CADM2: variants seen among roughly 807,000 people sequenced by gnomAD.
The protein encoded by CADM2 is cell adhesion molecule 2.
A neutral mutation model predicts 49.8 loss-of-function variants in CADM2; 12 were observed. The observed-to-expected ratio is 0.24, with a 90% CI of 0.15 to 0.39. CADM2 has a LOEUF of 0.39. Ranked by LOEUF, CADM2 falls within the 10% of genes least tolerant of loss-of-function variation. CADM2 has a pLI of 1.00. For synonymous variants in CADM2, 214 were observed against 175.4 expected (o/e 1.22, Z -1.74); for missense variants, 378 against 492.3 (o/e 0.77, Z 2.20).
rs112651120 is a variant in CADM2 at position 85,284,578 on chromosome 3, T to C, written c.61+324910T>C. Among the ~76,000 whole-genome samples, 203 of 152,230 alleles carry C rather than the reference T, an allele frequency of 1.3e-3. 2 individuals are homozygous for C. The highest frequency in any genetic ancestry group is 4.5e-3 in the African/African-American group (185 of 41,550). On this transcript the variant is annotated intron_variant, in intron 1 of 9. Coordinates refer to ENST00000383699, the MANE Select transcript of CADM2 (RefSeq NM_001167675.2). ...GACTTGAAGTTTTTAATGAAATAAGTTACATAGATTGCTAAGGGAGGAACA... is the reference window on the plus strand; with the variant it reads ...GACTTGAAGTTTTTAATGAAATAAGCTACATAGATTGCTAAGGGAGGAACA...
At chr3:85,192,648 C>T (rs1406619924) in intron 1 of CADM2, among the ~76,000 whole-genome samples, 3 of 149,700 alleles carry the variant, frequency 2.0e-5, no homozygotes, top group Non-Finnish European at 4.5e-5. Context: ...TATAAAAAAT[C>T]CATAAAAATG....
rs1392914855 is a variant in CADM2, at chr3:85,769,658, TA to T, written c.89-32388del. ...ACACATATATACATATATACATATATAGTATATATATACACATATATACATA... is the reference window on the plus strand; with the variant it reads ...ACACATATATACATATATACATATATGTATATATATACACATATATACATA... On this transcript the variant is annotated intron_variant, in intron 2 of 9. Transcript: ENST00000383699. 1.8e-3 allele frequency among the ~76,000 whole-genome samples: 238 copies of T among 130,020 alleles called. 1 individual carries two copies. Among genetic ancestry groups the T allele is most frequent in the African/African-American group, 5.9e-3 (226 of 38,042 alleles). The allele number at this position is 130,020 out of a possible 152,430, so 85.3% of individuals were successfully genotyped here.
chr3:85,482,042 G>T (rs2039235227), intron 1 of CADM2, among the ~76,000 whole-genome samples: 1 of 151,650 alleles, frequency 6.6e-6, no homozygotes, highest in South Asian at 2.1e-4. Flanking sequence ...GTGTTCATAA[G>T]AATTTGACTC....
intron 1 of CADM2, among the ~76,000 whole-genome samples, chr3:85,020,136 T>G (rs1994316): frequency 0.061 from 9,352 of 152,202 alleles, 369 homozygotes; most frequent in Admixed American, 0.094. Context: ...GTTTATTTAT[T>G]TTATTTGCCT....
At chr3:85,986,076 T>C (rs1281867921) in intron 8 of CADM2, among the ~76,000 whole-genome samples, 1 of 152,056 alleles carries the variant, frequency 6.6e-6, no homozygotes. Context: ...TTTATTTAAT[T>C]AAACCAGGTT....
chr3:85,518,436 T>A lies in CADM2; in HGVS notation c.62-208086T>A, dbSNP rs983017866. 1.4e-4 allele frequency among the ~76,000 whole-genome samples: 22 copies of A among 151,990 alleles called. 1 individual carries two copies. Among genetic ancestry groups the A allele is most frequent in the Middle Eastern group, 3.4e-3 (1 of 294 alleles). On this transcript the variant is annotated intron_variant, in intron 1 of 9. Transcript: ENST00000383699. ...AACAATCTAGGCTTTTTTTTTTTTT[T>A]AAATCAAATCCCAAAGTTACTTCTA...
chr3:86,052,148 A>G (rs752425627), intron 8 of CADM2, among the ~76,000 whole-genome samples: 2 of 152,168 alleles, frequency 1.3e-5, no homozygotes, highest in Non-Finnish European at 2.9e-5. Flanking sequence ...TAGAAGAATG[A>G]TTATAACTAC....
chr3:85,807,268 G>A (rs892220469), intron 3 of CADM2, among the ~76,000 whole-genome samples: 3 of 152,130 alleles, frequency 2.0e-5, no homozygotes, highest in Non-Finnish European at 2.9e-5. Flanking sequence ...GGAGGCTGTG[G>A]CAGGCGGATC....
intron 5 of CADM2, among the ~76,000 whole-genome samples, chr3:85,910,544 A>G (rs1399312100): frequency 1.3e-5 from 2 of 152,114 alleles, no homozygotes; most frequent in Non-Finnish European, 2.9e-5. Context: ...ATCTTAGTAA[A>G]TGACTTTAGT....
chr3:85,106,775 G>A (rs562219698), intron 1 of CADM2, among the ~76,000 whole-genome samples: 13 of 152,208 alleles, frequency 8.5e-5, no homozygotes, highest in African/African-American at 3.1e-4. Context: ...ATAGGGAGGG[G>A]TAGAGGGAGG....
Position 85,726,195 on chromosome 3 carries a change from T to A in CADM2, c.62-327T>A, listed in dbSNP as rs2067690025. Among the ~76,000 whole-genome samples, 3 of 152,094 alleles carry A rather than the reference T, an allele frequency of 2.0e-5. 1 individual carries two copies. In the South Asian group the frequency reaches 6.2e-4, roughly 32 times the overall value. ...TAGTATTAAGTATATTTAAACTATATATAATTTTAATTGATTATTAAATAA... is the reference window on the plus strand; with the variant it reads ...TAGTATTAAGTATATTTAAACTATAAATAATTTTAATTGATTATTAAATAA... On this transcript the variant is annotated intron_variant, in intron 1 of 9. Transcript: ENST00000383699.
At chr3:84,976,980 T>C (rs190172902) in intron 1 of CADM2, among the ~76,000 whole-genome samples, 2 of 152,032 alleles carry the variant, frequency 1.3e-5, no homozygotes, top group Admixed American at 1.3e-4. Flanking sequence ...AAATTCACCA[T>C]GAGCAAAGAC....
rs555654034 is a variant in CADM2 at position 85,249,314 on chromosome 3, C to T, written c.61+289646C>T. Among the ~76,000 whole-genome samples the T allele has an allele frequency of 1.3e-4, 20 of 152,100 alleles. No individual in the cohort carries two copies. In the East Asian group the frequency reaches 1.7e-3, roughly 13 times the overall value. ...TGATCTGAAGTATTTAAAATAAAGTCGATTAATAACAATGTAAAGAAACTT... is the reference window on the plus strand; with the variant it reads ...TGATCTGAAGTATTTAAAATAAAGTTGATTAATAACAATGTAAAGAAACTT... On this transcript the variant is annotated intron_variant, in intron 1 of 9. Transcript: ENST00000383699.
At chr3:84,971,307 A>G (rs1233030188) in intron 1 of CADM2, among the ~76,000 whole-genome samples, 1 of 152,194 alleles carries the variant, frequency 6.6e-6, no homozygotes, top group African/African-American at 2.4e-5. Context: ...TATTGATTTT[A>G]CGGAAAGATT....
chr3:85,487,678 T>C (rs2039483369), intron 1 of CADM2, among the ~76,000 whole-genome samples: 1 of 151,210 alleles, frequency 6.6e-6, no homozygotes, highest in Non-Finnish European at 1.5e-5. Context: ...AAACAGCAAT[T>C]GCAAGAATGG....
At chr3:85,593,365 A>G (rs1295937720) in intron 1 of CADM2, among the ~76,000 whole-genome samples, 1 of 151,984 alleles carries the variant, frequency 6.6e-6, no homozygotes, top group Non-Finnish European at 1.5e-5. Context: ...TTACTTTTGA[A>G]TACCATCTCT....
chr3:85,849,935 T>C (rs2075030689), intron 3 of CADM2, among the ~76,000 whole-genome samples: 1 of 152,190 alleles, frequency 6.6e-6, no homozygotes, highest in African/African-American at 2.4e-5. Flanking sequence ...TGGGACACAC[T>C]AATTTACACC....
chr3:85,933,029 T>G (rs1720790913), intron 6 of CADM2, among the ~76,000 whole-genome samples: 1 of 152,286 alleles, frequency 6.6e-6, no homozygotes, highest in South Asian at 2.1e-4. Context: ...CCTGTACTGC[T>G]TAAACTAAAC....
intron 1 of CADM2, among the ~76,000 whole-genome samples, chr3:85,003,891 T>C (rs2033595936): frequency 6.6e-6 from 1 of 152,150 alleles, no homozygotes; most frequent in South Asian, 2.1e-4. Flanking sequence ...ATGTGTGTCT[T>C]CTCATCTGTA....
Sources: gnomAD v4.1 joint callset for allele counts (sites outside exome capture counted in the v4.1 genomes callset) on GRCh38, gnomAD v4.1.1 for gene constraint, MANE v1.5 for transcripts, NCBI Gene and HGNC (gene_info 2026-07-23, HGNC 2026-07-21) for gene names.